The following XRN2 variants were observed in gnomAD, a reference collection of about 807,000 sequenced individuals.
XRN2 encodes DHM1-like protein.
XRN2 carries 44 observed loss-of-function variants against 138.5 expected under a neutral mutation model. That is an observed-to-expected ratio of 0.32 (90% CI 0.25 to 0.41). The LOEUF (loss-of-function observed/expected upper bound fraction) is 0.41. Ranked by LOEUF, XRN2 falls within the 10% of genes least tolerant of loss-of-function variation. The pLI is 1.00. For missense variants in XRN2, 937 were observed against 1,169.3 expected, an observed-to-expected ratio of 0.80 and a Z score of 2.90; for synonymous variants, 354 against 369.4, an observed-to-expected ratio of 0.96 and a Z score of 0.48.
At chr20:21,346,264 ATAGT>A in intron 16 of XRN2, 147 bp from the exon 17 acceptor site, 1 of 995,736 alleles carries the variant, frequency 1.0e-6, no homozygotes, top group Non-Finnish European at 1.4e-6. Context: ...CTTTTTAGAA[ATAGT>A]TAAATGAATC....
rs764036284 is a variant in XRN2, at chr20:21,326,292, A to G, written c.89A>G (p.Asn30Ser). The G allele has an allele frequency of 7.4e-6, 12 of 1,613,492 alleles. No individual in the cohort carries two copies. The highest frequency in any genetic ancestry group is 2.2e-5 in the East Asian group (1 of 44,814). Residue 30 changes from asparagine to serine, a missense_variant, in exon 2 of 30, where the codon AAT (asparagine) becomes AGT (serine). By Grantham distance (46) the Asn-to-Ser change is conservative. Coordinates refer to ENST00000377191, the MANE Select transcript of XRN2 (RefSeq NM_012255.5). ...ACTTCCTCATAGCCAAAAGAATGCA[A>G]TGGTGTAAAGATTCCAGTTGATGCC... The part of the protein sequence containing the change: ...NCVEEKPKEC[N>S]GVKIPVDASK...
At chr20:21,380,902 C>G (rs1371065191) in intron 27 of XRN2, among the ~76,000 whole-genome samples, 1 of 152,144 alleles carries the variant, frequency 6.6e-6, no homozygotes, top group Non-Finnish European at 1.5e-5. Context: ...CTCAGCATGT[C>G]GAGATGGGAA....
At chr20:21,357,971 A>G (rs1271619881) in intron 24 of XRN2, among the ~76,000 whole-genome samples, 179 bp downstream of exon 24, 4 of 152,180 alleles carry the variant, frequency 2.6e-5, no homozygotes, top group Admixed American at 2.0e-4. Context: ...AATTATGTAT[A>G]TTGTTAAGGT....
At chr20:21,352,833 A>G (rs901405800) in intron 20 of XRN2, among the ~76,000 whole-genome samples, 6 of 152,180 alleles carry the variant, frequency 3.9e-5, no homozygotes, top group African/African-American at 1.4e-4. Context: ...ACTGTGTAAT[A>G]CCTAAGTTAT....
intron 1 of XRN2, among the ~76,000 whole-genome samples, chr20:21,317,593 T>C (rs891281052): frequency 2.0e-5 from 3 of 152,216 alleles, no homozygotes; most frequent in Non-Finnish European, 4.4e-5. Flanking sequence ...ATCTCTGATA[T>C]ATAATGGTGT....
chr20:21,326,469 A>C (rs2296728), intron 2 of XRN2, 21 bp from the exon 3 acceptor site: 8 of 1,613,458 alleles, frequency 5.0e-6, no homozygotes, highest in Admixed American at 1.7e-5. Flanking sequence ...ATTATATTAC[A>C]TTGTTTGGTT....
rs142201221 is a variant in XRN2, at chr20:21,305,028, T to G, written c.75+1555T>G. ...GTCTTTTTCCCTGGGGCTGTCTTTC[T>G]TTTTCCACTTTACATCTTGCCGCGC... On this transcript the variant is annotated intron_variant, in intron 1 of 29. Coordinates refer to ENST00000377191, the MANE Select transcript of XRN2 (RefSeq NM_012255.5). 4.4e-3 allele frequency among the ~76,000 whole-genome samples: 677 copies of G among 152,326 alleles called. 4 individuals carry two copies. The highest frequency in any genetic ancestry group is 0.016 in the African/African-American group (659 of 41,574).
At chr20:21,320,722 G>C (rs202832) in intron 1 of XRN2, among the ~76,000 whole-genome samples, 20,874 of 152,122 alleles carry the variant, frequency 0.14, 1,775 homozygotes, top group Non-Finnish European at 0.19. Context: ...AGCCTCCCGA[G>C]TAGCTGGGGC....
intron 19 of XRN2, among the ~76,000 whole-genome samples, chr20:21,349,044 A>G (rs2038473616): frequency 6.6e-6 from 1 of 152,146 alleles, no homozygotes; most frequent in Non-Finnish European, 1.5e-5. Flanking sequence ...CTTACCCAAA[A>G]TCACCTGTGA....
chr20:21,324,978 C>G (rs1009786054), intron 1 of XRN2, among the ~76,000 whole-genome samples: 1 of 152,206 alleles, frequency 6.6e-6, no homozygotes, highest in Admixed American at 6.5e-5. Context: ...ACCCATCTCC[C>G]TCCCCTGTCT....
Position 21,328,686 on chromosome 20 carries a change from C to G in XRN2, c.427+16C>G. 1 of 1,607,976 alleles carries G rather than the reference C, an allele frequency of 6.2e-7. No individual in the cohort carries two copies. Among genetic ancestry groups the G allele is most frequent in the Admixed American group, 1.7e-5 (1 of 59,156 alleles). ...TTGGCAAAAGGTAAAGAATATGCAT[C>G]TTGAAGTTGGATTTTTTCATAAGAT... On this transcript the variant is annotated intron_variant, in intron 4 of 29. Coordinates refer to ENST00000377191, the MANE Select transcript of XRN2 (RefSeq NM_012255.5).
intron 24 of XRN2, among the ~76,000 whole-genome samples, chr20:21,364,437 C>T (rs1163695894): frequency 6.6e-6 from 1 of 152,070 alleles, no homozygotes; most frequent in Non-Finnish European, 1.5e-5. Context: ...ACATACATAC[C>T]ACTACCACGG....
At chr20:21,381,945 A>G (rs2038889874) in intron 27 of XRN2, 49 bp from the exon 28 acceptor site, 1 of 1,508,030 alleles carries the variant, frequency 6.6e-7, no homozygotes, top group Non-Finnish European at 9.0e-7. Flanking sequence ...GTAGTTGAAT[A>G]TTGGTTACTT....
At chr20:21,352,959 G>A (rs2038527717) in intron 20 of XRN2, among the ~76,000 whole-genome samples, 1 of 151,926 alleles carries the variant, frequency 6.6e-6, no homozygotes, top group Non-Finnish European at 1.5e-5. Context: ...TCAGCTCACT[G>A]TAGCTCTGTC....
chr20:21,367,347 T>C (rs1568594069), intron 26 of XRN2, among the ~76,000 whole-genome samples: 1 of 152,198 alleles, frequency 6.6e-6, no homozygotes, highest in Admixed American at 6.5e-5. Flanking sequence ...TTAATAATGA[T>C]AACTTATAAA....
intron 23 of XRN2, among the ~76,000 whole-genome samples, chr20:21,357,114 A>C (rs977643132): frequency 7.5e-6 from 1 of 132,468 alleles, no homozygotes; most frequent in Non-Finnish European, 1.6e-5. Context: ...TTTTATAAGA[A>C]TGTTATTTAT....
chr20:21,384,003 C>T (rs184809902), intron 28 of XRN2, among the ~76,000 whole-genome samples: 8 of 152,156 alleles, frequency 5.3e-5, no homozygotes, highest in Admixed American at 4.6e-4. Context: ...TATGTTTCCA[C>T]GACGCTACTG....
chr20:21,323,434 T>C (rs2038076038), intron 1 of XRN2, among the ~76,000 whole-genome samples: 1 of 152,198 alleles, frequency 6.6e-6, no homozygotes, highest in Non-Finnish European at 1.5e-5. Flanking sequence ...GGGTTCAGAG[T>C]GGCTCTCCTT....
At chr20:21,386,049 CTACATTGTT>C (rs1353801713) in intron 28 of XRN2, among the ~76,000 whole-genome samples, 4 of 152,188 alleles carry the variant, frequency 2.6e-5, no homozygotes, top group African/African-American at 9.7e-5. Context: ...TATATCCTTG[CTACATTGTT>C]TATGTGACAG....
Sources: allele counts gnomAD v4.1 joint callset (sites outside exome capture counted in the v4.1 genomes callset), GRCh38; gene constraint gnomAD v4.1.1; transcripts MANE v1.5; gene names NCBI Gene and HGNC (gene_info 2026-07-23, HGNC 2026-07-21).